The following DMD variants were observed in gnomAD, a reference collection of about 807,000 sequenced individuals.
The protein encoded by DMD is dystrophin.
Under a neutral mutation model 330.1 loss-of-function variants are expected in DMD, and 63 were observed. That is an observed-to-expected ratio of 0.19 (90% confidence interval 0.16 to 0.24). The LOEUF (loss-of-function observed/expected upper bound fraction) is 0.24, where lower values mean the gene tolerates loss of function less well. Among genes scored for constraint, DMD ranks in the 10% least tolerant of loss-of-function variants. The pLI is 1.00. For synonymous variants in DMD, 1,223 were observed against 959.8 expected, an observed-to-expected ratio of 1.27 and a Z score of -5.07; for missense variants, 3,344 against 2,684.1, an observed-to-expected ratio of 1.25 and a Z score of -5.43.
chrX:31,606,817 C>T (rs1379134240), intron 55 of DMD, among the ~76,000 whole-genome samples: 1 of 111,839 alleles, frequency 8.9e-6, no homozygotes, highest in African/African-American at 3.2e-5. Context: ...TTTTAAATTG[C>T]AGTCTTACAG....
At chrX:32,538,329 C>T (rs1203705094) in intron 17 of DMD, among the ~76,000 whole-genome samples, 3 of 111,479 alleles carry the variant, frequency 2.7e-5, no homozygotes, top group African/African-American at 3.3e-5. Flanking sequence ...CTTAACCGAG[C>T]GATTAACCTT....
intron 55 of DMD, among the ~76,000 whole-genome samples, chrX:31,622,877 T>C (rs5972421): frequency 0.34 from 23,608 of 69,838 alleles, 3,556 homozygotes; most frequent in African/African-American, 0.38. Context: ...TATATATATA[T>C]ACACACACAC....
At chrX:31,933,553 G>A (rs2094886178) in intron 45 of DMD, among the ~76,000 whole-genome samples, 1 of 111,453 alleles carries the variant, frequency 9.0e-6, no homozygotes, top group Non-Finnish European at 1.9e-5. Context: ...TAGCTTCCAT[G>A]GAAGCTTTTA....
rs769086790 is a variant in DMD at position 31,750,017 on chromosome X, G to T, written c.7543-20269C>A. Among the ~76,000 whole-genome samples, 10 of 109,502 alleles carry T rather than the reference G, an allele frequency of 9.1e-5. No homozygotes were observed. In the South Asian group the frequency reaches 1.6e-3, roughly 17 times the overall value. On this transcript the variant is annotated intron_variant, in intron 51 of 78. Transcript: ENST00000357033. Reference sequence around the variant, plus strand: ...TTTGTTTTTTTCTTGTAAATTTGTTGGAGTTCATTGTAGATTCTGGATATT... The same window carrying T: ...TTTGTTTTTTTCTTGTAAATTTGTTTGAGTTCATTGTAGATTCTGGATATT...
chrX:32,417,179 A>G (rs1036423041), intron 29 of DMD, among the ~76,000 whole-genome samples: 6 of 111,653 alleles, frequency 5.4e-5, no homozygotes, highest in Non-Finnish European at 1.1e-4. Context: ...ATTCTAAGAG[A>G]TGGAAATAGC....
intron 9 of DMD, among the ~76,000 whole-genome samples, chrX:32,661,581 A>C (rs1313479181): frequency 9.0e-6 from 1 of 111,708 alleles, no homozygotes; most frequent in Admixed American, 9.6e-5. Flanking sequence ...ATTTAATTTA[A>C]AAATCAAAAT....
At chrX:32,580,855 C>T (rs1262699090) in intron 13 of DMD, among the ~76,000 whole-genome samples, 1 of 110,861 alleles carries the variant, frequency 9.0e-6, no homozygotes, top group African/African-American at 3.3e-5. Flanking sequence ...GAGACAGAGT[C>T]TTTCTCTGTC....
At chrX:33,286,651 T>A (rs776228140) in intron 1 of DMD, among the ~76,000 whole-genome samples, 16 of 112,189 alleles carry the variant, frequency 1.4e-4, no homozygotes, top group Admixed American at 1.4e-3. Flanking sequence ...TGTGTATGTA[T>A]GTGTGTATGT....
chrX:32,448,377 T>C (rs928628544), intron 27 of DMD, 79 bp downstream of exon 27: 1 of 1,095,207 alleles, frequency 9.1e-7, no homozygotes, highest in Non-Finnish European at 1.3e-6. Context: ...TGCACTGGTA[T>C]CCATGTTCTT....
intron 1 of DMD, among the ~76,000 whole-genome samples, chrX:33,305,995 T>C (rs2053756847): frequency 8.9e-6 from 1 of 112,009 alleles, no homozygotes; most frequent in Non-Finnish European, 1.9e-5. Context: ...CCTTTTGGAC[T>C]ATAATACAAA....
At chrX:32,582,797 T>A (rs1254952699) in intron 13 of DMD, among the ~76,000 whole-genome samples, 1 of 112,052 alleles carries the variant, frequency 8.9e-6, no homozygotes, top group Non-Finnish European at 1.9e-5. Flanking sequence ...CTTAGAGCGC[T>A]TACTTTAGGG....
intron 13 of DMD, among the ~76,000 whole-genome samples, chrX:32,585,722 AAAAAAAAAG>A (rs2054206136): frequency 9.6e-6 from 1 of 103,781 alleles, no homozygotes; most frequent in Non-Finnish European, 2.0e-5. Flanking sequence ...AAAAAAAAAA[AAAAAAAAAG>A]AATATTATTG....
chrX:32,665,462 A>ACAC (rs2061241085), intron 9 of DMD, among the ~76,000 whole-genome samples: 1 of 112,416 alleles, frequency 8.9e-6, no homozygotes, highest in African/African-American at 3.2e-5. Context: ...AAATTTTGTT[A>ACAC]TTGTGCCAAT....
chrX:32,605,800 A>G (rs2056644936), intron 12 of DMD, among the ~76,000 whole-genome samples: 1 of 110,933 alleles, frequency 9.0e-6, no homozygotes, highest in South Asian at 3.7e-4. Context: ...AAAATGCTCA[A>G]CATCACTAAT....
At chrX:32,248,228 A>G (rs1457984839) in intron 43 of DMD, among the ~76,000 whole-genome samples, 2 of 111,697 alleles carry the variant, frequency 1.8e-5, no homozygotes, top group African/African-American at 6.5e-5. Flanking sequence ...CAATACTTAT[A>G]TATGAATTTT....
At chrX:33,306,276 C>A (rs1421208693) in intron 1 of DMD, among the ~76,000 whole-genome samples, 4 of 111,925 alleles carry the variant, frequency 3.6e-5, no homozygotes, top group African/African-American at 1.3e-4. Flanking sequence ...GTTACATGTG[C>A]ATCATTCATT....
chrX:32,523,038 G>A (rs1356333538), intron 17 of DMD, among the ~76,000 whole-genome samples: 2 of 111,740 alleles, frequency 1.8e-5, no homozygotes, highest in Admixed American at 9.5e-5. Flanking sequence ...AAACTCAAAC[G>A]TGCCTCAAGG....
chrX:32,632,737 G>A (rs1354801008), intron 11 of DMD, among the ~76,000 whole-genome samples: 1 of 110,294 alleles, frequency 9.1e-6, no homozygotes, highest in Non-Finnish European at 1.9e-5. Context: ...GGGTGCGGGG[G>A]GGAGGGGTTG....
At chrX:32,952,691 A>AT (rs1293250318) in intron 2 of DMD, among the ~76,000 whole-genome samples, 1 of 111,572 alleles carries the variant, frequency 9.0e-6, no homozygotes, top group South Asian at 3.7e-4. Context: ...TATCTACTTT[A>AT]TTTTTCAGGT....
Sources: gnomAD v4.1 joint callset for allele counts (sites outside exome capture counted in the v4.1 genomes callset) on GRCh38, gnomAD v4.1.1 for gene constraint, MANE v1.5 for transcripts, NCBI Gene and HGNC (gene_info 2026-07-23, HGNC 2026-07-21) for gene names.